The following AKIRIN2 variants were observed in gnomAD, a reference collection of about 807,000 sequenced individuals.
The protein encoded by AKIRIN2 is akirin 2.
Under a neutral mutation model 29.3 loss-of-function variants are expected in AKIRIN2, and 6 were observed. The observed-to-expected ratio is 0.20, with a 90% CI of 0.11 to 0.40. The LOEUF (loss-of-function observed/expected upper bound fraction) is 0.40, where lower values mean the gene tolerates loss of function less well. Among genes scored for constraint, AKIRIN2 ranks in the 10% least tolerant of loss-of-function variants. The pLI is 1.00. For synonymous variants in AKIRIN2, 128 were observed against 117.5 expected, an observed-to-expected ratio of 1.09 and a Z score of -0.58; for missense variants, 210 against 276.1, an observed-to-expected ratio of 0.76 and a Z score of 1.70.
intron 1 of AKIRIN2, 83 bp downstream of exon 1, chr6:87,701,367 A>C: frequency 2.9e-6 from 4 of 1,398,294 alleles, no homozygotes; most frequent in Non-Finnish European, 2.8e-6. Flanking sequence ...CGGCACCCCC[A>C]CCCCAGGGGC....
intron 1 of AKIRIN2, among the ~76,000 whole-genome samples, chr6:87,695,070 T>C (rs1771336862): frequency 6.6e-6 from 1 of 152,222 alleles, no homozygotes; most frequent in Admixed American, 6.5e-5. Context: ...AAAAGTATTT[T>C]CTTCTAAAAA....
chr6:87,678,173 G>A (rs1232239796), intron 2 of AKIRIN2, among the ~76,000 whole-genome samples: 4 of 152,264 alleles, frequency 2.6e-5, no homozygotes, highest in Non-Finnish European at 5.9e-5. Context: ...ACGGCAAGAT[G>A]TAATTAAGAT....
chr6:87,700,302 G>T (rs189156827), intron 1 of AKIRIN2, among the ~76,000 whole-genome samples: 2 of 150,510 alleles, frequency 1.3e-5, no homozygotes, highest in Non-Finnish European at 3.0e-5. Flanking sequence ...GTTTCAAATG[G>T]AAGTCACCAA....
At chr6:87,679,094 C>T (rs928577767) in intron 2 of AKIRIN2, among the ~76,000 whole-genome samples, 6 of 143,772 alleles carry the variant, frequency 4.2e-5, no homozygotes, top group Admixed American at 7.0e-5. Context: ...GAGATCATGC[C>T]GTTGCACTCC....
At chr6:87,687,914 G>A (rs74777569) in intron 1 of AKIRIN2, among the ~76,000 whole-genome samples, 5,183 of 152,260 alleles carry the variant, frequency 0.034, 293 homozygotes, top group African/African-American at 0.12. Flanking sequence ...GATCACTTGA[G>A]GCCCGGAGTT....
chr6:87,686,510 T>C (rs749338183), intron 1 of AKIRIN2, among the ~76,000 whole-genome samples: 1 of 151,972 alleles, frequency 6.6e-6, no homozygotes, highest in Non-Finnish European at 1.5e-5. Context: ...AAATTTAAGT[T>C]CTAAAAATCT....
Position 87,701,529 on chromosome 6 carries a change from G to A in AKIRIN2, c.156C>T (p.Ser52=), listed in dbSNP as rs1297750518. 1.4e-6 allele frequency: 2 copies of A among 1,436,804 alleles called. No homozygotes were observed. The highest frequency in any genetic ancestry group is 5.7e-5 in the East Asian group (2 of 34,902). 89.0% of individuals were successfully genotyped at this position (1,436,804 alleles called of 1,614,324 possible). ...SAAAATAASF[S]AAAASPQKYL... is the part of the protein sequence containing the mutation. ...ACTTCTGCGGCGAGGCGGCCGCAGC[G>A]GAGAAGGAGGCGGCGGTGGCCGCGG... The change falls in exon 1 of 5, where the codon TCC becomes TCT. Residue 52 remains serine, a synonymous_variant. Transcript: ENST00000257787.
chr6:87,686,255 G>T (rs1479724351), intron 1 of AKIRIN2, among the ~76,000 whole-genome samples: 2 of 151,998 alleles, frequency 1.3e-5, no homozygotes, highest in African/African-American at 4.8e-5. Context: ...GAAAGAAAAG[G>T]CCTCTTTTTA....
chr6:87,679,976 C>T (rs140824449), intron 2 of AKIRIN2, among the ~76,000 whole-genome samples: 7 of 152,336 alleles, frequency 4.6e-5, no homozygotes, highest in Non-Finnish European at 7.3e-5. Flanking sequence ...GTTAACTATG[C>T]TTATTAGAAC....
intron 1 of AKIRIN2, among the ~76,000 whole-genome samples, chr6:87,682,361 G>C (rs2128301369): frequency 6.6e-6 from 1 of 152,292 alleles, no homozygotes; most frequent in South Asian, 2.1e-4. Context: ...TGGGGCTGGA[G>C]GGTAGGGTGA....
intron 3 of AKIRIN2, 88 bp downstream of exon 3, chr6:87,677,730 G>A: frequency 6.9e-7 from 1 of 1,442,232 alleles, no homozygotes. Context: ...TACCGCACCA[G>A]TGTATAGAAA....
At chr6:87,688,304 G>GTTTT (rs1473505582) in intron 1 of AKIRIN2, among the ~76,000 whole-genome samples, 1 of 152,040 alleles carries the variant, frequency 6.6e-6, no homozygotes, top group Non-Finnish European at 1.5e-5. Flanking sequence ...GCTAATTTTT[G>GTTTT]TATTTTTAGT....
At position 87,698,992 on chromosome 6, in the gene AKIRIN2, A is replaced by T. The variant is rs375197397; in HGVS notation, c.235+2458T>A. On this transcript the variant is annotated intron_variant, in intron 1 of 4. Transcript: ENST00000257787. The stretch of plus-strand genomic sequence containing the variant: ...AAAGTCACTTTAGTACTCTAGTTCT[A>T]CATTAATTTGTATTATATTTGAACT... Among the ~76,000 whole-genome samples, 11 of 152,208 alleles carry T rather than the reference A, an allele frequency of 7.2e-5. No homozygotes were observed. The East Asian group carries it at 9.6e-4, about 13-fold the overall frequency.
rs559289060 is a variant in AKIRIN2, at chr6:87,686,762, G to T, written c.236-4999C>A. On this transcript the variant is annotated intron_variant, in intron 1 of 4. Coordinates refer to ENST00000257787, the MANE Select transcript of AKIRIN2 (RefSeq NM_018064.4). ...ACAATGGAATTGAAAAAGAAATCTT[G>T]TGGCCGGGCGCGGTAGTTCATGCCT... 4.3e-4 allele frequency among the ~76,000 whole-genome samples: 66 copies of T among 152,154 alleles called. 1 individual carries two copies. The highest frequency in any genetic ancestry group is 1.4e-3 in the African/African-American group (60 of 41,528).
At chr6:87,700,735 C>T (rs928856722) in intron 1 of AKIRIN2, 4 of 154,222 alleles carry the variant, frequency 2.6e-5, no homozygotes, top group Non-Finnish European at 5.9e-5. Flanking sequence ...TCCTCAGCCC[C>T]AATTTTCAAT....
chr6:87,676,940 G>A (rs1327660815), intron 3 of AKIRIN2, among the ~76,000 whole-genome samples: 1 of 151,996 alleles, frequency 6.6e-6, no homozygotes, highest in Non-Finnish European at 1.5e-5. Flanking sequence ...AGCCGGGCAT[G>A]GTGGTAGGTG....
intron 1 of AKIRIN2, among the ~76,000 whole-genome samples, chr6:87,694,388 T>C (rs907417733): frequency 4.6e-5 from 7 of 152,196 alleles, no homozygotes; most frequent in African/African-American, 1.7e-4. Context: ...GGTATACTGA[T>C]AAAGCATAAA....
At chr6:87,681,527 G>T (rs1481564534) in intron 2 of AKIRIN2, 93 bp downstream of exon 2, 1 of 1,238,858 alleles carries the variant, frequency 8.1e-7, no homozygotes, top group African/African-American at 1.6e-5. Context: ...AAACTCAGAG[G>T]AGATACAGTA....
chr6:87,679,131 A>G (rs1386118308), intron 2 of AKIRIN2, among the ~76,000 whole-genome samples: 2 of 139,082 alleles, frequency 1.4e-5, no homozygotes, highest in East Asian at 4.1e-4. Flanking sequence ...GTGAAACTTC[A>G]TCTCAGAAAA....
Sources: allele counts gnomAD v4.1 joint callset (sites outside exome capture counted in the v4.1 genomes callset), GRCh38; gene constraint gnomAD v4.1.1; transcripts MANE v1.5; gene names NCBI Gene and HGNC (gene_info 2026-07-23, HGNC 2026-07-21).